The following SLIT2 variants were observed in gnomAD, a reference collection of about 807,000 sequenced individuals.
SLIT2 encodes slit homolog 2 protein.
SLIT2 carries 41 observed loss-of-function variants against 185.7 expected under a neutral mutation model. That is an observed-to-expected ratio of 0.22 (90% confidence interval 0.17 to 0.29). The LOEUF (loss-of-function observed/expected upper bound fraction) is 0.29, where lower values mean the gene tolerates loss of function less well. SLIT2 is among the 10% of genes least tolerant of loss of function. The probability of loss-of-function intolerance (pLI) is 1.00; values close to 1 mark genes in which losing one functional copy is unlikely to be tolerated. For synonymous variants in SLIT2, 693 were observed against 680.2 expected, an observed-to-expected ratio of 1.02 and a Z score of -0.29; for missense variants, 1,571 against 1,909.0, an observed-to-expected ratio of 0.82 and a Z score of 3.30.
At chr4:20,276,505 A>G (rs1294336381) in intron 4 of SLIT2, among the ~76,000 whole-genome samples, 1 of 152,234 alleles carries the variant, frequency 6.6e-6, no homozygotes, top group Non-Finnish European at 1.5e-5. Context: ...GTGAAATGTT[A>G]TTAAGAGAAC....
intron 4 of SLIT2, among the ~76,000 whole-genome samples, chr4:20,309,055 T>C (rs908066857): frequency 5.9e-5 from 9 of 152,152 alleles, no homozygotes; most frequent in Non-Finnish European, 1.3e-4. Flanking sequence ...CATAATTAAT[T>C]CAAAATTATA....
intron 4 of SLIT2, among the ~76,000 whole-genome samples, chr4:20,278,262 C>A (rs569723661): frequency 1.1e-4 from 17 of 151,644 alleles, no homozygotes; most frequent in African/African-American, 3.9e-4. Flanking sequence ...AATTCAAATG[C>A]CTCAGGATAA....
At chr4:20,593,986 GTACA>G (rs1197902600) in intron 30 of SLIT2, among the ~76,000 whole-genome samples, 1 of 146,368 alleles carries the variant, frequency 6.8e-6, no homozygotes, top group Non-Finnish European at 1.5e-5. Flanking sequence ...ATATACACAT[GTACA>G]TACATATACA....
intron 4 of SLIT2, among the ~76,000 whole-genome samples, chr4:20,397,004 A>G (rs1223472973): frequency 6.6e-6 from 1 of 151,548 alleles, no homozygotes; most frequent in Admixed American, 6.6e-5. Flanking sequence ...ATATATTTCC[A>G]TAATATTAGT....
intron 4 of SLIT2, among the ~76,000 whole-genome samples, chr4:20,338,398 C>G (rs1038900748): frequency 6.6e-6 from 1 of 152,102 alleles, no homozygotes; most frequent in African/African-American, 2.4e-5. Context: ...CAATCTGTCC[C>G]TAAAAGATTC....
At chr4:20,554,272 G>A (rs1219552070) in intron 26 of SLIT2, 4 of 490,966 alleles carry the variant, frequency 8.1e-6, no homozygotes, top group South Asian at 6.2e-5. Context: ...CAAATGTTTT[G>A]CTTTTGCCCT....
chr4:20,286,146 G>A (rs1474585671), intron 4 of SLIT2, among the ~76,000 whole-genome samples: 1 of 152,132 alleles, frequency 6.6e-6, no homozygotes, highest in Non-Finnish European at 1.5e-5. Flanking sequence ...ACTGTTCTGG[G>A]GATAAGAGGG....
intron 11 of SLIT2, among the ~76,000 whole-genome samples, chr4:20,516,051 G>A (rs1720183585): frequency 6.6e-6 from 1 of 152,192 alleles, no homozygotes; most frequent in South Asian, 2.1e-4. Context: ...TCCTGACCTG[G>A]TGATCCGGCC....
chr4:20,578,249 C>T (rs1208911449), intron 29 of SLIT2, among the ~76,000 whole-genome samples: 1 of 152,074 alleles, frequency 6.6e-6, no homozygotes, highest in African/African-American at 2.4e-5. Context: ...TGGAGAAATA[C>T]AAAAATATAA....
Position 20,589,612 on chromosome 4 carries a change from T to C in SLIT2, c.3089-32T>C, listed in dbSNP as rs763816072. ...CTGGCAGGAAGCCTGTTGACCTTTT[T>C]CTATGAGCTAACACTGTTTGCCCTG... On this transcript the variant is annotated intron_variant, in intron 29 of 36. Coordinates refer to ENST00000504154, the MANE Select transcript of SLIT2 (RefSeq NM_004787.4). The C allele has an allele frequency of 1.9e-6, 3 of 1,560,830 alleles. No homozygotes were observed. The South Asian group carries it at 3.4e-5, about 17-fold the overall frequency.
chr4:20,553,987 TGTATTTCTTTTAAGAATTACTATA>T lies in SLIT2; in HGVS notation c.2725+20_2725+43del, dbSNP rs780116821. 1.4e-5 allele frequency: 22 copies of T among 1,552,642 alleles called. No homozygotes were observed. The South Asian group carries it at 2.6e-4, about 18-fold the overall frequency. ...TGTCAAGGTATGGTTTTTAATCATTTGTATTTCTTTTAAGAATTACTATATTAAGTAAAAAAGAAAAAGACAACC... is the reference window on the plus strand; with the variant it reads ...TGTCAAGGTATGGTTTTTAATCATTTTTAAGTAAAAAAGAAAAAGACAACC... On this transcript the variant is annotated intron_variant, in intron 26 of 36. Coordinates refer to ENST00000504154, the MANE Select transcript of SLIT2 (RefSeq NM_004787.4).
At chr4:20,294,037 T>C (rs1234055059) in intron 4 of SLIT2, among the ~76,000 whole-genome samples, 1 of 152,156 alleles carries the variant, frequency 6.6e-6, no homozygotes, top group Non-Finnish European at 1.5e-5. Context: ...GTTTGTTTGT[T>C]TTTTGTCTTT....
intron 25 of SLIT2, among the ~76,000 whole-genome samples, 195 bp from the exon 26 acceptor site, chr4:20,553,610 A>G (rs1473879077): frequency 6.6e-6 from 1 of 152,218 alleles, no homozygotes; most frequent in East Asian, 1.9e-4. Context: ...TCATTCAGGA[A>G]AATGGGGAAT....
chr4:20,287,872 T>G (rs1715419369), intron 4 of SLIT2, among the ~76,000 whole-genome samples: 1 of 152,114 alleles, frequency 6.6e-6, no homozygotes, highest in African/African-American at 2.4e-5. Context: ...AGGTCTTTTC[T>G]TAAAAACAAT....
intron 29 of SLIT2, among the ~76,000 whole-genome samples, chr4:20,582,528 C>T (rs960935922): frequency 6.6e-6 from 1 of 152,142 alleles, no homozygotes; most frequent in African/African-American, 2.4e-5. Flanking sequence ...TCTTTCAACC[C>T]ACACACTGAA....
chr4:20,445,692 AG>A (rs1711706902), intron 4 of SLIT2, among the ~76,000 whole-genome samples: 1 of 152,248 alleles, frequency 6.6e-6, no homozygotes, highest in African/African-American at 2.4e-5. Flanking sequence ...ACAGATTTCA[AG>A]AGTATCCAAG....
chr4:20,428,983 C>G (rs1258485063), intron 4 of SLIT2, among the ~76,000 whole-genome samples: 1 of 152,178 alleles, frequency 6.6e-6, no homozygotes, highest in Non-Finnish European at 1.5e-5. Context: ...TCCATACTCA[C>G]AGAGCTTTGT....
chr4:20,262,518 A>G (rs1320750928), intron 3 of SLIT2, among the ~76,000 whole-genome samples: 5 of 151,880 alleles, frequency 3.3e-5, no homozygotes, highest in Non-Finnish European at 7.4e-5. Flanking sequence ...TAACAGAATG[A>G]CAGTCTAACG....
intron 15 of SLIT2, among the ~76,000 whole-genome samples, chr4:20,527,280 G>A (rs1721380393): frequency 6.6e-6 from 1 of 151,896 alleles, no homozygotes; most frequent in Non-Finnish European, 1.5e-5. Flanking sequence ...AATCTGTCTT[G>A]CAGAGAGTTC....
Sources: gnomAD v4.1 joint callset for allele counts (sites outside exome capture counted in the v4.1 genomes callset) on GRCh38, gnomAD v4.1.1 for gene constraint, MANE v1.5 for transcripts, NCBI Gene and HGNC (gene_info 2026-07-23, HGNC 2026-07-21) for gene names.